CDC42SE2: variants seen among roughly 807,000 people sequenced by gnomAD.
CDC42SE2 encodes CDC42 small effector 2, also known as CDC42 small effector protein 2.
In CDC42SE2, 3 loss-of-function variants were observed where a neutral mutation model predicts 11.5. The observed-to-expected ratio is 0.26, with a 90% CI of 0.12 to 0.67. The LOEUF (loss-of-function observed/expected upper bound fraction) is 0.67, where lower values mean the gene tolerates loss of function less well. Among genes scored for constraint, CDC42SE2 ranks in the 30% least tolerant of loss-of-function variants. CDC42SE2 has a pLI of 0.80. For synonymous variants in CDC42SE2, 33 were observed against 34.8 expected, an observed-to-expected ratio of 0.95 and a Z score of 0.18; for missense variants, 82 against 106.8, an observed-to-expected ratio of 0.77 and a Z score of 1.02.
intron 1 of CDC42SE2, among the ~76,000 whole-genome samples, chr5:131,314,235 T>G (rs1757992508): frequency 1.4e-5 from 2 of 146,474 alleles, no homozygotes; most frequent in South Asian, 2.1e-4. Flanking sequence ...TGATTGTCCT[T>G]TTTTTTTTTT....
intron 2 of CDC42SE2, among the ~76,000 whole-genome samples, chr5:131,257,379 G>A (rs1756686655): frequency 1.3e-5 from 2 of 152,020 alleles, no homozygotes; most frequent in African/African-American, 2.4e-5. Flanking sequence ...TTAGAGGTAT[G>A]AGCCACCGTG....
At chr5:131,376,338 G>T (rs1334446399) in intron 3 of CDC42SE2, among the ~76,000 whole-genome samples, 1 of 152,118 alleles carries the variant, frequency 6.6e-6, no homozygotes, top group Non-Finnish European at 1.5e-5. Flanking sequence ...TTTGCCAGAG[G>T]ATCCCAGATT....
the CDC42SE2 span, among the ~76,000 whole-genome samples, chr5:131,232,579 C>T: frequency 6.6e-5 from 10 of 151,420 alleles, no homozygotes; most frequent in Non-Finnish European, 1.2e-4. Context: ...CTAAAAATAC[C>T]AAACATTAGC....
intron 1 of CDC42SE2, among the ~76,000 whole-genome samples, chr5:131,276,947 C>T (rs1757114314): frequency 6.6e-6 from 1 of 151,876 alleles, no homozygotes; most frequent in Admixed American, 6.6e-5. Flanking sequence ...ACCATGTTGG[C>T]CAGGCTGGTC....
At chr5:131,313,008 A>G (rs1314306858) in intron 1 of CDC42SE2, among the ~76,000 whole-genome samples, 2 of 147,632 alleles carry the variant, frequency 1.4e-5, no homozygotes, top group Non-Finnish European at 3.0e-5. Flanking sequence ...TTTTAGACGG[A>G]GTCTTGCTCT....
intron 2 of CDC42SE2, among the ~76,000 whole-genome samples, chr5:131,333,776 A>G (rs1220223093): frequency 3.3e-5 from 5 of 151,872 alleles, no homozygotes; most frequent in African/African-American, 1.2e-4. Flanking sequence ...TCTGTTATTG[A>G]TGTATAAGAA....
At chr5:131,266,312 TTAA>T (rs1418582641) in intron 1 of CDC42SE2, among the ~76,000 whole-genome samples, 1 of 152,150 alleles carries the variant, frequency 6.6e-6, no homozygotes, top group East Asian at 1.9e-4. Flanking sequence ...AATGTAGATA[TTAA>T]TTTTTTTATA....
At chr5:131,236,499 T>G in the CDC42SE2 span, among the ~76,000 whole-genome samples, 1 of 152,114 alleles carries the variant, frequency 6.6e-6, no homozygotes, top group Admixed American at 6.6e-5. Context: ...TGATCTTGGC[T>G]CACTGCAGTC....
chr5:131,217,378 TTAG>T, the CDC42SE2 span, among the ~76,000 whole-genome samples: 1 of 152,226 alleles, frequency 6.6e-6, no homozygotes, highest in African/African-American at 2.4e-5. Flanking sequence ...TATTGGCAAT[TTAG>T]AGCATTCCAA....
the CDC42SE2 span, among the ~76,000 whole-genome samples, chr5:131,222,169 G>A: frequency 6.6e-6 from 1 of 152,192 alleles, no homozygotes; most frequent in African/African-American, 2.4e-5. Flanking sequence ...TATCTGTGAT[G>A]ACAAGAAATT....
chr5:131,276,031 G>A (rs1757093012), intron 1 of CDC42SE2, among the ~76,000 whole-genome samples: 1 of 151,842 alleles, frequency 6.6e-6, no homozygotes, highest in Non-Finnish European at 1.5e-5. Flanking sequence ...TTTACTGATA[G>A]TTGGGAAATG....
intron 1 of CDC42SE2, among the ~76,000 whole-genome samples, chr5:131,284,292 T>A (rs545520220): frequency 6.6e-6 from 1 of 152,300 alleles, no homozygotes; most frequent in South Asian, 2.1e-4. Flanking sequence ...TTTTAAAAAA[T>A]TGAAAATTAC....
At chr5:131,266,074 T>C (rs1161437039) in intron 1 of CDC42SE2, among the ~76,000 whole-genome samples, 2 of 152,224 alleles carry the variant, frequency 1.3e-5, no homozygotes, top group Non-Finnish European at 2.9e-5. Flanking sequence ...AGGGAAGGAT[T>C]ATTAGTAATA....
chr5:131,375,129 A>C (rs566755566), intron 3 of CDC42SE2, among the ~76,000 whole-genome samples: 4 of 151,806 alleles, frequency 2.6e-5, no homozygotes, highest in African/African-American at 4.8e-5. Flanking sequence ...GGAGAAAAAA[A>C]CTGTTTTCAC....
the CDC42SE2 span, among the ~76,000 whole-genome samples, chr5:131,224,402 T>C: frequency 1.8e-4 from 28 of 152,148 alleles, no homozygotes. Flanking sequence ...TTTCATCTGC[T>C]CAGGTCAAAA....
chr5:131,313,953 G>A (rs1580748672), intron 1 of CDC42SE2, among the ~76,000 whole-genome samples: 1 of 152,038 alleles, frequency 6.6e-6, no homozygotes, highest in Non-Finnish European at 1.5e-5. Context: ...TCGGCCTTCC[G>A]AGTAGCTGGG....
intron 1 of CDC42SE2, among the ~76,000 whole-genome samples, chr5:131,306,250 G>A (rs1024064121): frequency 6.6e-6 from 1 of 152,106 alleles, no homozygotes; most frequent in African/African-American, 2.4e-5. Flanking sequence ...TAGCTGTCTA[G>A]TTTATCAGAT....
At chr5:131,344,377 C>T (rs933876535) in intron 2 of CDC42SE2, among the ~76,000 whole-genome samples, 1 of 152,208 alleles carries the variant, frequency 6.6e-6, no homozygotes, top group Non-Finnish European at 1.5e-5. Context: ...AAGAGGGTCC[C>T]ATGCCCACGG....
At chr5:131,275,789 C>G (rs1000948469) in intron 1 of CDC42SE2, among the ~76,000 whole-genome samples, 3 of 151,574 alleles carry the variant, frequency 2.0e-5, no homozygotes, top group Non-Finnish European at 4.4e-5. Context: ...ATAGAAGTCT[C>G]ACAGTTTTAG....
Sources: gnomAD v4.1 joint callset for allele counts (sites outside exome capture counted in the v4.1 genomes callset) on GRCh38, gnomAD v4.1.1 for gene constraint, MANE v1.5 for transcripts, NCBI Gene and HGNC (gene_info 2026-07-23, HGNC 2026-07-21) for gene names.